MCF2: variants seen among roughly 807,000 people sequenced by gnomAD.
MCF2 encodes the protein MCF.2 cell line derived transforming sequence.
A neutral mutation model predicts 82.5 loss-of-function variants in MCF2; 44 were observed. The observed-to-expected ratio is 0.53, with a 90% CI of 0.42 to 0.69. The LOEUF is 0.69. MCF2 is among the 30% of genes least tolerant of loss of function. The probability of loss-of-function intolerance (pLI) is 0.00; values close to 1 mark genes in which losing one functional copy is unlikely to be tolerated. For missense variants in MCF2, 623 were observed against 663.1 expected (o/e 0.94, Z 0.66); for synonymous variants, 217 against 224.9 (o/e 0.96, Z 0.32).
intron 4 of MCF2, among the ~76,000 whole-genome samples, chrX:139,629,466 T>A (rs1389415615): frequency 8.9e-6 from 1 of 112,257 alleles, no homozygotes; most frequent in African/African-American, 3.2e-5. Flanking sequence ...TATAAGATGT[T>A]TTTAAATAAC....
At chrX:139,606,490 T>C (rs773280051) in intron 12 of MCF2, among the ~76,000 whole-genome samples, 45 of 110,791 alleles carry the variant, frequency 4.1e-4, no homozygotes, top group African/African-American at 1.4e-3. Context: ...CCCTAGTGGC[T>C]GGGATTATAG....
At chrX:139,687,034 C>T (rs1361216233) in intron 1 of MCF2, among the ~76,000 whole-genome samples, 1 of 85,523 alleles carries the variant, frequency 1.2e-5, no homozygotes, top group Non-Finnish European at 2.3e-5. Context: ...CATGCAGGCA[C>T]GCATGCACAC....
chrX:139,696,334 T>TGTCTC (rs574985497), intron 1 of MCF2, among the ~76,000 whole-genome samples: 1 of 85,163 alleles, frequency 1.2e-5, no homozygotes, highest in Non-Finnish European at 2.2e-5. Flanking sequence ...TCCTTCCTTC[T>TGTCTC]TTCTCTTCTC....
chrX:139,668,017 G>A (rs888835734), intron 1 of MCF2, among the ~76,000 whole-genome samples: 1 of 111,760 alleles, frequency 8.9e-6, no homozygotes, highest in African/African-American at 3.3e-5. Context: ...CCAGCTGTAG[G>A]AGCCCCATGA....
At chrX:139,608,875 T>G (rs1435822051) in intron 11 of MCF2, among the ~76,000 whole-genome samples, 1 of 111,937 alleles carries the variant, frequency 8.9e-6, no homozygotes, top group African/African-American at 3.2e-5. Context: ...TCACCCTGTT[T>G]CTTTCTTGAA....
intron 16 of MCF2, among the ~76,000 whole-genome samples, chrX:139,600,715 T>C (rs946461918): frequency 1.8e-5 from 2 of 111,529 alleles, no homozygotes; most frequent in African/African-American, 6.5e-5. Flanking sequence ...AACTCAACAA[T>C]GAGGATCATG....
intron 1 of MCF2, among the ~76,000 whole-genome samples, chrX:139,693,298 G>A (rs1458460999): frequency 1.8e-5 from 2 of 111,802 alleles, no homozygotes; most frequent in Admixed American, 9.5e-5. Context: ...GTCCTGATGT[G>A]AATTGCAAAT....
chrX:139,704,585 A>C (rs1162797190), intron 1 of MCF2, among the ~76,000 whole-genome samples: 1 of 111,532 alleles, frequency 9.0e-6, no homozygotes, highest in Non-Finnish European at 1.9e-5. Flanking sequence ...GTTCCCCAAT[A>C]ACCTGTGGAA....
rs1284136066 is a variant in MCF2, at chrX:139,706,480, A to T, written c.-45+1626T>A. Among the ~76,000 whole-genome samples, 3 of 111,579 alleles carry T rather than the reference A, an allele frequency of 2.7e-5. No individual in the cohort carries two copies. The Admixed American group carries it at 2.9e-4, about 11-fold the overall frequency. On this transcript the variant is annotated intron_variant, in intron 1 of 27. Transcript: ENST00000414978. Reference sequence around the variant, plus strand: ...GCAGGAACAGAAAACCAAATACCACATGTTCTCATTTATGAAGGGAGCTAA... The same window carrying T: ...GCAGGAACAGAAAACCAAATACCACTTGTTCTCATTTATGAAGGGAGCTAA...
intron 1 of MCF2, among the ~76,000 whole-genome samples, chrX:139,663,977 G>T (rs182469898): frequency 9.1e-6 from 1 of 109,388 alleles, no homozygotes; most frequent in Non-Finnish European, 1.9e-5. Flanking sequence ...TTGTTTTTTG[G>T]GGTGGCTTTT....
intron 1 of MCF2, among the ~76,000 whole-genome samples, chrX:139,675,061 A>G (rs760806465): frequency 9.8e-5 from 11 of 111,890 alleles, no homozygotes; most frequent in Non-Finnish European, 1.7e-4. Context: ...GCTTGGTTTC[A>G]TTAACTTCAT....
intron 12 of MCF2, chrX:139,607,486 T>A (rs1931135867): frequency 3.9e-6 from 1 of 259,654 alleles, no homozygotes; most frequent in South Asian, 2.5e-4. Context: ...AAAAAGAAGA[T>A]ACCAACATTC....
intron 9 of MCF2, 118 bp from the exon 13 acceptor site, chrX:139,615,170 C>T (rs1931807378): frequency 1.8e-6 from 1 of 540,949 alleles, no homozygotes; most frequent in Non-Finnish European, 3.0e-6. Context: ...AATATAACTA[C>T]AAGACATTTA....
chrX:139,587,867 TCACACACACACA>T lies in MCF2; in HGVS notation c.2450-91_2450-80del, dbSNP rs3830799. 14 of 468,363 alleles carry T rather than the reference TCACACACACACA, an allele frequency of 3.0e-5. No homozygotes were observed. The African/African-American group carries it at 3.0e-4, about 10-fold the overall frequency. The allele number at this position is 468,363 out of a possible 1,213,427, so 38.6% of individuals were successfully genotyped here. ...TTGAAGGCCAATGACTTTCTCTCTC[TCACACACACACA>T]CACACACACACACGCATCCTTGCCA... On this transcript the variant is annotated intron_variant, in intron 21 of 24. Transcript: ENST00000370576.
exon 15 of MCF2, chrX:139,604,713 G>A (rs758632363): frequency 2.5e-6 from 3 of 1,195,643 alleles, no homozygotes; most frequent in South Asian, 1.9e-5. Flanking sequence ...ACTCTTTCTG[G>A]AGCATGAGCA....
At chrX:139,670,787 C>T (rs1234248941) in intron 1 of MCF2, among the ~76,000 whole-genome samples, 1 of 111,962 alleles carries the variant, frequency 8.9e-6, no homozygotes, top group Non-Finnish European at 1.9e-5. Flanking sequence ...GTGCATGTGT[C>T]TTTATAGTAG....
chrX:139,620,713 C>T (rs1319634982), intron 6 of MCF2, among the ~76,000 whole-genome samples: 3 of 111,290 alleles, frequency 2.7e-5, no homozygotes, highest in African/African-American at 9.8e-5. Flanking sequence ...ATAGATCATA[C>T]ATGACACAAA....
intron 1 of MCF2, among the ~76,000 whole-genome samples, chrX:139,632,809 G>A (rs771061448): frequency 1.8e-5 from 2 of 111,040 alleles, no homozygotes; most frequent in African/African-American, 3.3e-5. Context: ...AGTTTCCTAG[G>A]ATAACCCTAA....
intron 1 of MCF2, among the ~76,000 whole-genome samples, chrX:139,688,667 C>CT (rs755036035): frequency 1.4e-4 from 16 of 111,309 alleles, no homozygotes; most frequent in South Asian, 3.8e-4. Flanking sequence ...CAAGACGTTT[C>CT]TTTTTTTCAT....
Sources: allele counts gnomAD v4.1 joint callset (sites outside exome capture counted in the v4.1 genomes callset), GRCh38; gene constraint gnomAD v4.1.1; transcripts MANE v1.5; gene names NCBI Gene and HGNC (gene_info 2026-07-23, HGNC 2026-07-21).